Variants in NUBP1 observed in about 807,000 individuals in gnomAD.
NUBP1 encodes the protein cytosolic Fe-S cluster assembly factor NUBP1.
Under a neutral mutation model 41.8 loss-of-function variants are expected in NUBP1, and 46 were observed. The observed-to-expected ratio is 1.10, with a 90% CI of 0.87 to 1.41. The LOEUF (loss-of-function observed/expected upper bound fraction) is 1.41, where lower values mean the gene tolerates loss of function less well. Among genes scored for constraint, NUBP1 ranks in the 40% most tolerant of loss-of-function variants. The pLI, the probability that NUBP1 is intolerant of heterozygous loss-of-function variation, is 0.00. For missense variants in NUBP1, 494 were observed against 414.0 expected (o/e 1.19, Z -1.68); for synonymous variants, 189 against 154.6 (o/e 1.22, Z -1.65).
chr16:10,753,677 T>C (rs576079151), intron 4 of NUBP1, among the ~76,000 whole-genome samples: 3 of 151,936 alleles, frequency 2.0e-5, no homozygotes, highest in African/African-American at 7.3e-5. Context: ...CTAGATAATG[T>C]GAAACCAACC....
chr16:10,758,093 C>G (rs939604465), intron 7 of NUBP1, 66 bp downstream of exon 7: 10 of 1,562,936 alleles, frequency 6.4e-6, no homozygotes, highest in African/African-American at 4.1e-5. Flanking sequence ...TCTTTCCTAC[C>G]TGGCTCTGAT....
At position 10,744,005 on chromosome 16, in the gene NUBP1, T is replaced by C. The variant is rs1208449305; in HGVS notation, c.64T>C (p.Cys22Arg). 4 of 1,581,122 alleles carry C rather than the reference T, an allele frequency of 2.5e-6. No homozygotes were observed. The highest frequency in any genetic ancestry group is 1.4e-5 in the African/African-American group (1 of 72,668). The change falls in exon 2 of 11, where the codon TGT becomes CGT. Residue 22 changes from cysteine to arginine, a missense_variant. By Grantham distance (180) the Cys-to-Arg change is radical. Transcript: ENST00000283027. ...DSAQAGRGAS[C>R]QGCPNQRLCA... ...CGCCCAGGCGGGCAGAGGGGCTTCA[T>C]GTCAGGGATGCCCCAACCAGCGGCT...
At position 10,765,493 on chromosome 16, in the gene NUBP1, G is replaced by A. The variant is rs2030742557; in HGVS notation, c.821-2456G>A. Among the ~76,000 whole-genome samples, 1 of 152,118 alleles carries A rather than the reference G, an allele frequency of 6.6e-6. No individual in the cohort carries two copies. Among genetic ancestry groups the A allele is most frequent in the Non-Finnish European group, 1.5e-5 (1 of 68,030 alleles). On this transcript the variant is annotated intron_variant, in intron 9 of 10. Coordinates refer to ENST00000283027, the MANE Select transcript of NUBP1 (RefSeq NM_002484.4). The surrounding 1 kb of genome is among the most constrained non-coding windows in gnomAD (Gnocchi z 4.0). ...ACTGCACTCCAGCCTGGGCGACAGA[G>A]CAAGAACCTGTCTCAAAAAAAAATT...
intron 9 of NUBP1, chr16:10,763,452 C>G (rs1007206733): frequency 2.0e-5 from 3 of 152,286 alleles, no homozygotes; most frequent in African/African-American, 7.2e-5. Flanking sequence ...TCCTTTTTCC[C>G]TTATTCCCAC....
At chr16:10,746,994 C>T in intron 2 of NUBP1, 149 bp from the exon 3 acceptor site, 2 of 838,618 alleles carry the variant, frequency 2.4e-6, no homozygotes, top group Non-Finnish European at 3.7e-6. Context: ...TTATTTCTAC[C>T]ATTGTCTGAG....
At chr16:10,761,904 C>A in intron 9 of NUBP1, 45 bp downstream of exon 9, 1 of 1,482,732 alleles carries the variant, frequency 6.7e-7, no homozygotes, top group Non-Finnish European at 9.4e-7. Flanking sequence ...CTCGGTCAGC[C>A]CCACAGGCAC....
At chr16:10,750,623 G>C (rs1001172152) in intron 3 of NUBP1, among the ~76,000 whole-genome samples, 12 of 152,154 alleles carry the variant, frequency 7.9e-5, no homozygotes, top group Non-Finnish European at 1.6e-4. Context: ...TTTCAGGACT[G>C]AGTGTGCGAG....
chr16:10,752,856 T>G (rs1181239726), intron 4 of NUBP1, among the ~76,000 whole-genome samples, 178 bp downstream of exon 4: 1 of 152,168 alleles, frequency 6.6e-6, no homozygotes, highest in Non-Finnish European at 1.5e-5. Context: ...AGTGCAGTGG[T>G]GCAACCTCAG....
Position 10,761,833 on chromosome 16 carries a change from G to A in NUBP1, c.794G>A (p.Gly265Asp). The A allele has an allele frequency of 6.2e-7, 1 of 1,614,048 alleles. No homozygotes were observed. The highest frequency in any genetic ancestry group is 8.5e-7 in the Non-Finnish European group (1 of 1,179,954). Residue 265 changes from glycine to aspartate, a missense_variant, in exon 9 of 11, where the codon GGC (glycine) becomes GAC (aspartate). Physicochemically the swap from Gly to Asp is moderately conservative, Grantham distance 94. Transcript: ENST00000283027. The part of the protein sequence containing the change: ...MCQDLEVPLL[G>D]RVPLDPLIGK... Reference sequence around the variant, plus strand: ...CAGGACTTGGAGGTCCCTCTCCTCGGCAGAGTGCCCCTGGATCCGCTCATA... The same window carrying A: ...CAGGACTTGGAGGTCCCTCTCCTCGACAGAGTGCCCCTGGATCCGCTCATA...
chr16:10,760,566 A>G (rs1900877374), intron 7 of NUBP1, among the ~76,000 whole-genome samples: 1 of 152,160 alleles, frequency 6.6e-6, no homozygotes, highest in South Asian at 2.1e-4. Flanking sequence ...GGCAACAACC[A>G]TCTCTATAAA....
rs2031065404 is a variant in NUBP1, at chr16:10,767,472, G to A, written c.821-477G>A. 2 of 401,828 alleles carry A rather than the reference G, an allele frequency of 5.0e-6. No individual in the cohort carries two copies. The highest frequency in any genetic ancestry group is 6.2e-4 in the Middle Eastern group (1 of 1,612). 24.9% of individuals were successfully genotyped at this position (401,828 alleles called of 1,614,324 possible). ...TCGTATTTTAGGTATATGAGAGTGT[G>A]TGTATGTGTGTGCGCACACATGCAA... On this transcript the variant is annotated intron_variant, in intron 9 of 10. Coordinates refer to ENST00000283027, the MANE Select transcript of NUBP1 (RefSeq NM_002484.4). The surrounding 1 kb of genome is among the most constrained non-coding windows in gnomAD (Gnocchi z 4.6).
At position 10,769,074 on chromosome 16, in the gene NUBP1, A is replaced by T. The variant is rs746112256; in HGVS notation, c.932A>T (p.Gln311Leu). ...ATCCAAGAGTTTTGTAATCTCCATCAGTCAAAAGAAGAGAACCTCATCAGT... is the reference window on the plus strand; with the variant it reads ...ATCCAAGAGTTTTGTAATCTCCATCTGTCAAAAGAAGAGAACCTCATCAGT... ...QRIQEFCNLHQSKEENLISS is the reference protein window; with the variant it reads ...QRIQEFCNLHLSKEENLISS Residue 311 changes from glutamine to leucine, a missense_variant, in exon 11 of 11, where the codon CAG becomes CTG. By Grantham distance (113) the Gln-to-Leu change is moderately radical. Coordinates refer to ENST00000283027, the MANE Select transcript of NUBP1 (RefSeq NM_002484.4). The T allele has an allele frequency of 6.2e-7, 1 of 1,614,102 alleles. No homozygotes were observed. Among genetic ancestry groups the T allele is most frequent in the South Asian group, 1.1e-5 (1 of 91,078 alleles).
rs756485699 is a variant in NUBP1 at position 10,747,140 on chromosome 16, C to T, written c.125-3C>T. The T allele has an allele frequency of 3.7e-6, 6 of 1,613,578 alleles. No homozygotes were observed. Among genetic ancestry groups the T allele is most frequent in the Non-Finnish European group, 5.1e-6 (6 of 1,179,746 alleles). On this transcript the variant is annotated splice_region_variant and splice_polypyrimidine_tract_variant and intron_variant, in intron 2 of 10. Coordinates refer to ENST00000283027, the MANE Select transcript of NUBP1 (RefSeq NM_002484.4). The stretch of plus-strand genomic sequence containing the variant: ...ATCCCCTGAACTTTGGTTTTCTTTG[C>T]AGCTATAGAGGAAATCAAAGAGAAA...
chr16:10,756,884 A>C, intron 6 of NUBP1, 104 bp downstream of exon 6: 1 of 836,150 alleles, frequency 1.2e-6, no homozygotes, highest in South Asian at 1.8e-5. Flanking sequence ...GCTGGACTTC[A>C]CAGTATATTA....
chr16:10,752,072 A>G (rs1286485980), intron 3 of NUBP1, among the ~76,000 whole-genome samples: 7 of 152,304 alleles, frequency 4.6e-5, no homozygotes, highest in Admixed American at 6.5e-5. Context: ...CCAGCCCCCA[A>G]TATTTTTTAA....
At position 10,769,185 on chromosome 16, in the gene NUBP1, C is replaced by G; in HGVS notation, c.*80C>G. ...CACATCCAGCCAGACCCGACCAGCT[C>G]CGGGATGGGGTGGGTCACAGCAAAA... On this transcript the variant is annotated 3_prime_UTR_variant, in exon 11 of 11. Coordinates refer to ENST00000283027, the MANE Select transcript of NUBP1 (RefSeq NM_002484.4). 8.2e-6 allele frequency: 11 copies of G among 1,341,486 alleles called. No homozygotes were observed. The highest frequency in any genetic ancestry group is 1.7e-5 in the Admixed American group (1 of 58,156). The allele number at this position is 1,341,486 out of a possible 1,614,324, so 83.1% of individuals were successfully genotyped here.
chr16:10,756,963 C>T (rs996362615), intron 6 of NUBP1, among the ~76,000 whole-genome samples, 183 bp downstream of exon 6: 4 of 152,154 alleles, frequency 2.6e-5, no homozygotes, highest in Admixed American at 6.5e-5. Context: ...GTTTCCATTA[C>T]GTAATTATAA....
At position 10,749,361 on chromosome 16, in the gene NUBP1, C is replaced by A. The variant is rs2142676970; in HGVS notation, c.258+2085C>A. On this transcript the variant is annotated intron_variant, in intron 3 of 10. Coordinates refer to ENST00000283027, the MANE Select transcript of NUBP1 (RefSeq NM_002484.4). The surrounding 1 kb of genome is among the most constrained non-coding windows in gnomAD (Gnocchi z 4.1). ...AGATGGGCTTTCATCTCACCACTTGCAAGTAACCACTTGTGAGTAGACAAC... is the reference window on the plus strand; with the variant it reads ...AGATGGGCTTTCATCTCACCACTTGAAAGTAACCACTTGTGAGTAGACAAC... Among the ~76,000 whole-genome samples, 1 of 152,342 alleles carries A rather than the reference C, an allele frequency of 6.6e-6. No homozygotes were observed. The highest frequency in any genetic ancestry group is 2.1e-4 in the South Asian group (1 of 4,824).
chr16:10,761,879 G>T lies in NUBP1; in HGVS notation c.820+20G>T. ...TCATAGGTGGGTGACCCCAGTGTGG[G>T]GCGGCACCTCACTCCTCGGTCAGCC... is the stretch of plus-strand genomic sequence containing the variant. On this transcript the variant is annotated intron_variant, in intron 9 of 10. Transcript: ENST00000283027. 6.3e-7 allele frequency: 1 copy of T among 1,590,630 alleles called. No homozygotes were observed. Among genetic ancestry groups the T allele is most frequent in the Non-Finnish European group, 8.6e-7 (1 of 1,159,856 alleles).
Sources: allele counts gnomAD v4.1 joint callset (sites outside exome capture counted in the v4.1 genomes callset), GRCh38; gene constraint gnomAD v4.1.1; non-coding constraint Gnocchi (gnomAD v3.1); transcripts MANE v1.5; gene names NCBI Gene and HGNC (gene_info 2026-07-23, HGNC 2026-07-21).